ADCY9: variants seen among roughly 807,000 people sequenced by gnomAD.
The protein encoded by ADCY9 is adenylate cyclase 9.
In ADCY9, 50 loss-of-function variants were observed where a neutral mutation model predicts 101.5. The observed-to-expected ratio is 0.49, with a 90% confidence interval of 0.39 to 0.62. ADCY9 has a LOEUF of 0.62. Ranked by LOEUF, ADCY9 falls within the 20% of genes least tolerant of loss-of-function variation. ADCY9 has a pLI of 0.00. For synonymous variants in ADCY9, 905 were observed against 769.3 expected, an observed-to-expected ratio of 1.18 and a Z score of -2.92; for missense variants, 1,662 against 1,800.4, an observed-to-expected ratio of 0.92 and a Z score of 1.39.
At chr16:4,039,130 T>C (rs914717936) in intron 2 of ADCY9, among the ~76,000 whole-genome samples, 1 of 152,144 alleles carries the variant, frequency 6.6e-6, no homozygotes. Context: ...AAACTCCTGC[T>C]AACAGAACAG....
intron 2 of ADCY9, among the ~76,000 whole-genome samples, chr16:4,036,037 GC>G (rs1238389997): frequency 7.2e-6 from 1 of 138,272 alleles, no homozygotes; most frequent in African/African-American, 2.7e-5. Context: ...ATTCCAAGGG[GC>G]CCCAGCCCCC....
intron 3 of ADCY9, among the ~76,000 whole-genome samples, chr16:4,006,850 T>C (rs2056370509): frequency 6.6e-6 from 1 of 152,048 alleles, no homozygotes; most frequent in Admixed American, 6.6e-5. Context: ...GAGATCCCGG[T>C]TCCAATAATG....
intron 2 of ADCY9, among the ~76,000 whole-genome samples, chr16:4,090,162 G>A (rs2056964479): frequency 6.6e-6 from 1 of 152,034 alleles, no homozygotes; most frequent in Non-Finnish European, 1.5e-5. Context: ...CTCCAGCTGA[G>A]GTCAGCCCTG....
At chr16:4,049,911 G>A (rs1187174342) in intron 2 of ADCY9, among the ~76,000 whole-genome samples, 2 of 152,044 alleles carry the variant, frequency 1.3e-5, no homozygotes, top group Admixed American at 1.3e-4. Context: ...TACACCTGTA[G>A]TCCCTGCTAC....
At chr16:4,075,329 G>T (rs1367843850) in intron 2 of ADCY9, among the ~76,000 whole-genome samples, 5 of 152,072 alleles carry the variant, frequency 3.3e-5, no homozygotes, top group Admixed American at 3.3e-4. Context: ...AGTAGAGATG[G>T]GGTTTTGCCA....
Position 3,993,148 on chromosome 16 carries a change from G to T in ADCY9, c.1989+258C>A, listed in dbSNP as rs183011506. On this transcript the variant is annotated intron_variant, in intron 4 of 10. Coordinates refer to ENST00000294016, the MANE Select transcript of ADCY9 (RefSeq NM_001116.4). ...ATCCCCTCCCGGCACTCGAATCCAC[G>T]CATTTTAAACCCTTATTGGCCTTTA... 2.1e-3 allele frequency among the ~76,000 whole-genome samples: 321 copies of T among 152,200 alleles called. 2 individuals carry two copies. Among genetic ancestry groups the T allele is most frequent in the African/African-American group, 7.2e-3 (301 of 41,518 alleles).
intron 2 of ADCY9, among the ~76,000 whole-genome samples, chr16:4,031,263 G>A (rs892598916): frequency 6.6e-6 from 1 of 152,234 alleles, no homozygotes; most frequent in Non-Finnish European, 1.5e-5. Context: ...GATACATGCT[G>A]AAGAATTTAA....
intron 10 of ADCY9, among the ~76,000 whole-genome samples, chr16:3,971,243 C>G (rs2056049008): frequency 1.3e-5 from 2 of 152,106 alleles, no homozygotes; most frequent in Admixed American, 1.3e-4. Flanking sequence ...TTAAGCCCAT[C>G]CCGTGTGACT....
intron 6 of ADCY9, among the ~76,000 whole-genome samples, chr16:3,985,999 T>C (rs1033102313): frequency 1.1e-4 from 17 of 151,798 alleles, no homozygotes; most frequent in African/African-American, 3.9e-4. Flanking sequence ...CCAGGGACAG[T>C]GCCACTGGCT....
At chr16:4,067,234 A>C (rs1401754775) in intron 2 of ADCY9, among the ~76,000 whole-genome samples, 9 of 152,174 alleles carry the variant, frequency 5.9e-5, no homozygotes, top group Non-Finnish European at 1.0e-4. Context: ...TAATATTTAG[A>C]AACAACACCA....
At chr16:4,019,743 G>A (rs969000817) in intron 2 of ADCY9, among the ~76,000 whole-genome samples, 1 of 152,186 alleles carries the variant, frequency 6.6e-6, no homozygotes, top group Admixed American at 6.5e-5. Context: ...CCAGACTAGT[G>A]GAGGTACTAG....
rs374527731 is a variant in ADCY9, at chr16:3,993,490, G to A, written c.1905C>T (p.Ile635=). The part of the protein sequence containing the change: ...DNLKTCPSCG[I]TFAPKSEAGA... ...CGGCTTCAGATTTGGGAGCAAATGT[G>A]ATTCCGCACGAAGGGCAGGTCTAGA... Residue 635 remains isoleucine, a synonymous_variant, in exon 4 of 11, where the codon ATC becomes ATT. Transcript: ENST00000294016. The A allele has an allele frequency of 8.6e-5, 138 of 1,614,016 alleles. No homozygotes were observed. Among genetic ancestry groups the A allele is most frequent in the Non-Finnish European group, 1.0e-4 (122 of 1,180,044 alleles).
chr16:4,051,665 A>T (rs2056702858), intron 2 of ADCY9, among the ~76,000 whole-genome samples: 1 of 152,232 alleles, frequency 6.6e-6, no homozygotes, highest in Admixed American at 6.5e-5. Context: ...TGATAATGGT[A>T]ATGAATTATA....
At chr16:4,061,139 G>A (rs141745147) in intron 2 of ADCY9, among the ~76,000 whole-genome samples, 225 of 151,984 alleles carry the variant, frequency 1.5e-3, no homozygotes, top group Middle Eastern at 6.8e-3. Context: ...GAAAGAATCA[G>A]TGAACTTAAA....
chr16:4,046,274 A>C (rs2056664138), intron 2 of ADCY9, among the ~76,000 whole-genome samples: 2 of 152,110 alleles, frequency 1.3e-5, no homozygotes, highest in Non-Finnish European at 2.9e-5. Context: ...GCACTGAACC[A>C]CAACACCCAG....
chr16:3,979,769 A>C (rs1001635341), intron 7 of ADCY9, among the ~76,000 whole-genome samples: 1 of 152,230 alleles, frequency 6.6e-6, no homozygotes, highest in Non-Finnish European at 1.5e-5. Flanking sequence ...GCATGTGGGC[A>C]GGTGCCACCC....
chr16:4,101,246 C>CAGGA (rs2057041400), intron 2 of ADCY9, among the ~76,000 whole-genome samples: 2 of 151,206 alleles, frequency 1.3e-5, no homozygotes, highest in South Asian at 4.2e-4. Flanking sequence ...ATCTGTAATA[C>CAGGA]AGTCAGGAAG....
intron 9 of ADCY9, among the ~76,000 whole-genome samples, chr16:3,976,582 T>C (rs2056094369): frequency 6.6e-6 from 1 of 152,208 alleles, no homozygotes; most frequent in East Asian, 1.9e-4. Context: ...GATTTCAAAA[T>C]AAAAGACCTA....
At chr16:4,098,477 G>A (rs2023374) in intron 2 of ADCY9, among the ~76,000 whole-genome samples, 46,629 of 151,718 alleles carry the variant, frequency 0.31, 7,694 homozygotes, top group Admixed American at 0.41. Flanking sequence ...CAGGTGATCC[G>A]CCCGCCTCGG....
Sources: gnomAD v4.1 joint callset for allele counts (sites outside exome capture counted in the v4.1 genomes callset) on GRCh38, gnomAD v4.1.1 for gene constraint, MANE v1.5 for transcripts, NCBI Gene and HGNC (gene_info 2026-07-23, HGNC 2026-07-21) for gene names.